Variants in SYNPR observed in about 807,000 individuals in gnomAD.
The protein encoded by SYNPR is synaptoporin.
A neutral mutation model predicts 32.9 loss-of-function variants in SYNPR; 23 were observed. That is an observed-to-expected ratio of 0.70 (90% CI 0.50 to 0.99). SYNPR has a LOEUF of 0.99. Among genes scored for constraint, SYNPR ranks in the 50% least tolerant of loss-of-function variants. The pLI is 0.00. For synonymous variants in SYNPR, 146 were observed against 135.9 expected (o/e 1.07, Z -0.52); for missense variants, 318 against 349.3 (o/e 0.91, Z 0.71).
chr3:63,376,608 T>C (rs776661791), intron 2 of SYNPR, among the ~76,000 whole-genome samples: 9 of 152,134 alleles, frequency 5.9e-5, no homozygotes, highest in Non-Finnish European at 1.3e-4. Flanking sequence ...TCTCCCAAGA[T>C]ATTCACGTGA....
chr3:63,368,264 A>G (rs1160316094), intron 2 of SYNPR, among the ~76,000 whole-genome samples: 1 of 152,204 alleles, frequency 6.6e-6, no homozygotes, highest in Non-Finnish European at 1.5e-5. Flanking sequence ...GCAGAGGTTC[A>G]GTAAATACTT....
At chr3:63,265,408 T>A (rs72878287) in intron 2 of SYNPR, among the ~76,000 whole-genome samples, 11,932 of 151,990 alleles carry the variant, frequency 0.079, 1,357 homozygotes, top group African/African-American at 0.25. Context: ...ACTGCCACCA[T>A]GCCTAGCTAA....
In SYNPR at chr3:63,606,705, A is replaced by G. The variant is rs193111265; in HGVS notation, c.409-2420A>G. Among the ~76,000 whole-genome samples, 5 of 152,252 alleles carry G rather than the reference A, an allele frequency of 3.3e-5. No individual in the cohort carries two copies. The East Asian group carries it at 9.7e-4, about 29-fold the overall frequency. On this transcript the variant is annotated intron_variant, in intron 4 of 5. Transcript: ENST00000478300. ...CTTGGCCTCCCAAAATGCTGGGATT[A>G]TAGTCAAAACCAACTTAAAAAAACT...
intron 4 of SYNPR, among the ~76,000 whole-genome samples, chr3:63,566,814 G>T (rs1175532579): frequency 6.6e-6 from 1 of 152,160 alleles, no homozygotes; most frequent in African/African-American, 2.4e-5. Context: ...TACCCATAAA[G>T]CCACTAGAAC....
intron 3 of SYNPR, among the ~76,000 whole-genome samples, chr3:63,554,538 C>A (rs1287739969): frequency 6.6e-6 from 1 of 152,092 alleles, no homozygotes; most frequent in Non-Finnish European, 1.5e-5. Flanking sequence ...GGTTTTATTT[C>A]TGAGTTTTTT....
intron 2 of SYNPR, among the ~76,000 whole-genome samples, chr3:63,299,206 G>A (rs962344949): frequency 6.6e-6 from 1 of 152,222 alleles, no homozygotes; most frequent in Non-Finnish European, 1.5e-5. Context: ...CAAAAGGCAA[G>A]GAGTTAAGTT....
intron 2 of SYNPR, among the ~76,000 whole-genome samples, chr3:63,313,774 T>C (rs2086999844): frequency 2.3e-5 from 1 of 42,646 alleles, no homozygotes; most frequent in Non-Finnish European, 4.6e-5. Flanking sequence ...TATATCCATA[T>C]ATATATATCC....
intron 3 of SYNPR, among the ~76,000 whole-genome samples, chr3:63,550,845 C>T (rs1181674128): frequency 6.6e-6 from 1 of 152,186 alleles, no homozygotes; most frequent in East Asian, 1.9e-4. Context: ...ATAATTTGGC[C>T]ACCTGGCCAA....
chr3:63,369,483 A>C (rs981916616), intron 2 of SYNPR, among the ~76,000 whole-genome samples: 1 of 152,226 alleles, frequency 6.6e-6, no homozygotes, highest in African/African-American at 2.4e-5. Flanking sequence ...AAAACAATTA[A>C]ATGCTTATGG....
intron 1 of SYNPR, chr3:63,252,482 T>C (rs1162224950): frequency 6.6e-6 from 1 of 152,210 alleles, no homozygotes; most frequent in Non-Finnish European, 1.5e-5. Flanking sequence ...AGAATTAATT[T>C]CGTTTTCTTT....
intron 2 of SYNPR, among the ~76,000 whole-genome samples, chr3:63,404,268 G>A (rs1207468858): frequency 3.9e-5 from 6 of 152,278 alleles, no homozygotes; most frequent in Non-Finnish European, 4.4e-5. Context: ...AATGTGATGT[G>A]AATGATGTTT....
chr3:63,512,359 G>GACA (rs768245904), intron 3 of SYNPR, among the ~76,000 whole-genome samples: 2 of 152,124 alleles, frequency 1.3e-5, no homozygotes, highest in South Asian at 2.1e-4. Context: ...ATATCCTCTT[G>GACA]ACAACAACAA....
intron 2 of SYNPR, among the ~76,000 whole-genome samples, chr3:63,265,981 G>A (rs556978168): frequency 4.5e-4 from 68 of 152,290 alleles, no homozygotes; most frequent in African/African-American, 1.5e-3. Context: ...CTATAGAGCA[G>A]GAAGAGTATT....
At chr3:63,479,075 C>T (rs563641541) in intron 2 of SYNPR, among the ~76,000 whole-genome samples, 4 of 152,232 alleles carry the variant, frequency 2.6e-5, no homozygotes, top group South Asian at 4.2e-4. Context: ...GATTGTGGAG[C>T]GACCTAGAAT....
At chr3:63,481,385 A>G (rs7641737) in intron 3 of SYNPR, among the ~76,000 whole-genome samples, 105,339 of 151,664 alleles carry the variant, frequency 0.69, 37,715 homozygotes, top group African/African-American at 0.88. Flanking sequence ...CTGAGTATCC[A>G]AGAGGATCTG....
chr3:63,468,980 A>T (rs1242070343), intron 2 of SYNPR, among the ~76,000 whole-genome samples: 1 of 152,078 alleles, frequency 6.6e-6, no homozygotes, highest in African/African-American at 2.4e-5. Flanking sequence ...AATTGAATAC[A>T]GCCAATTGAT....
At chr3:63,369,396 G>A (rs76689006) in intron 2 of SYNPR, among the ~76,000 whole-genome samples, 1,829 of 152,248 alleles carry the variant, frequency 0.012, 57 homozygotes, top group East Asian at 0.09. Context: ...GTGGAAAGAG[G>A]AGCACCCAGT....
intron 2 of SYNPR, among the ~76,000 whole-genome samples, chr3:63,448,176 G>A (rs1419220146): frequency 2.0e-5 from 3 of 152,120 alleles, no homozygotes; most frequent in African/African-American, 7.2e-5. Context: ...GCTAATTTGT[G>A]TATTATTAGT....
intron 4 of SYNPR, among the ~76,000 whole-genome samples, chr3:63,588,627 T>C (rs1445203661): frequency 6.6e-6 from 1 of 152,124 alleles, no homozygotes; most frequent in Non-Finnish European, 1.5e-5. Context: ...TATACAAATT[T>C]ATTCTTTTCC....
Sources: gnomAD v4.1 joint callset for allele counts (sites outside exome capture counted in the v4.1 genomes callset) on GRCh38, gnomAD v4.1.1 for gene constraint, MANE v1.5 for transcripts, NCBI Gene and HGNC (gene_info 2026-07-23, HGNC 2026-07-21) for gene names.